The following ROR1 variants were observed in gnomAD, a reference collection of about 807,000 sequenced individuals.
The protein encoded by ROR1 is inactive tyrosine-protein kinase transmembrane receptor ROR1.
ROR1 carries 19 observed loss-of-function variants against 78.8 expected under a neutral mutation model. The ratio of observed to expected loss-of-function variants is 0.24; its 90% CI spans 0.17 to 0.35. The LOEUF (loss-of-function observed/expected upper bound fraction) is 0.35. Ranked by LOEUF, ROR1 falls within the 10% of genes least tolerant of loss-of-function variation. The pLI, the probability that ROR1 is intolerant of heterozygous loss-of-function variation, is 1.00. For missense variants in ROR1, 917 were observed against 1,177.8 expected (o/e 0.78, Z 3.24); for synonymous variants, 386 against 433.6 (o/e 0.89, Z 1.36).
At chr1:63,864,291 C>T (rs1001219659) in intron 1 of ROR1, among the ~76,000 whole-genome samples, 2 of 152,198 alleles carry the variant, frequency 1.3e-5, no homozygotes, top group African/African-American at 4.8e-5. Flanking sequence ...TGCTCACTCT[C>T]AGCCTATTGA....
At position 64,159,121 on chromosome 1, in the gene ROR1, G is replaced by A. The variant is rs186939505; in HGVS notation, c.1315G>A (p.Val439Ile). ...RNNQKSSSAP[V>I]QRQPKHVRGQ... ...TAACCAGAAGTCATCGTCGGCACCA[G>A]TCCAGAGGCAACCAAAACACGTCAG... Residue 439 changes from valine to isoleucine, a missense_variant, in exon 8 of 9, where the codon GTC (valine) becomes ATC (isoleucine). Val to Ile is a conservative substitution (Grantham distance 29, BLOSUM62 3). Around this residue, in one of 3 missense-constraint regions of ROR1, gnomAD observed 835 missense variants for 1,069.8 expected, o/e 0.78. Coordinates refer to ENST00000371079, the MANE Select transcript of ROR1 (RefSeq NM_005012.4). The A allele has an allele frequency of 8.9e-5, 144 of 1,614,140 alleles. No individual in the cohort carries two copies. Among genetic ancestry groups the A allele is most frequent in the Non-Finnish European group, 1.2e-4 (139 of 1,180,016 alleles).
At chr1:64,122,434 A>AT (rs1648574278) in intron 4 of ROR1, among the ~76,000 whole-genome samples, 3 of 152,084 alleles carry the variant, frequency 2.0e-5, no homozygotes, top group African/African-American at 7.2e-5. Flanking sequence ...GTGGTTCCCC[A>AT]TTTTGATGTT....
At chr1:64,131,894 T>G (rs1368576556) in intron 4 of ROR1, among the ~76,000 whole-genome samples, 6 of 152,146 alleles carry the variant, frequency 3.9e-5, no homozygotes, top group Non-Finnish European at 7.3e-5. Context: ...GTGCGGGGAT[T>G]ATAGGCATGA....
chr1:63,820,557 T>G (rs1257577686), intron 1 of ROR1, among the ~76,000 whole-genome samples: 1 of 152,210 alleles, frequency 6.6e-6, no homozygotes, highest in Admixed American at 6.5e-5. Context: ...TCTGCTACCT[T>G]GCAGTCATTT....
chr1:63,882,084 G>A (rs7521739), intron 1 of ROR1, among the ~76,000 whole-genome samples: 5,802 of 152,146 alleles, frequency 0.038, 343 homozygotes, highest in African/African-American at 0.12. Flanking sequence ...CATCACAGGC[G>A]GTTGAAACTT....
At chr1:64,021,293 C>G (rs1646563530) in intron 2 of ROR1, among the ~76,000 whole-genome samples, 1 of 152,170 alleles carries the variant, frequency 6.6e-6, no homozygotes, top group Non-Finnish European at 1.5e-5. Flanking sequence ...CCCAAAGATC[C>G]TTCCTAGGAC....
chr1:64,014,964 T>G (rs887358197), intron 2 of ROR1, among the ~76,000 whole-genome samples: 2 of 150,488 alleles, frequency 1.3e-5, no homozygotes, highest in African/African-American at 4.9e-5. Flanking sequence ...ATGCTACAGA[T>G]AAAGACATAC....
intron 4 of ROR1, among the ~76,000 whole-genome samples, chr1:64,126,806 A>G (rs1648727252): frequency 6.6e-6 from 1 of 152,146 alleles, no homozygotes; most frequent in African/African-American, 2.4e-5. Context: ...TCCTGGCCAT[A>G]TCTAGGAAGT....
intron 1 of ROR1, among the ~76,000 whole-genome samples, chr1:63,802,500 G>T (rs953960028): frequency 1.3e-5 from 2 of 152,188 alleles, no homozygotes; most frequent in African/African-American, 4.8e-5. Context: ...AGAATTTAGA[G>T]GTGGGAAAAT....
intron 1 of ROR1, among the ~76,000 whole-genome samples, chr1:63,924,759 A>C (rs1645685735): frequency 6.6e-6 from 1 of 152,100 alleles, no homozygotes; most frequent in South Asian, 2.1e-4. Flanking sequence ...AGAGAGCAGC[A>C]CAGGAGGGCC....
chr1:64,132,015 A>G (rs1648929222), intron 4 of ROR1, among the ~76,000 whole-genome samples: 2 of 152,188 alleles, frequency 1.3e-5, no homozygotes, highest in Admixed American at 1.3e-4. Flanking sequence ...AAACATTTTC[A>G]TCATCCCAAA....
intron 1 of ROR1, among the ~76,000 whole-genome samples, chr1:63,871,135 A>G (rs1266382986): frequency 2.0e-5 from 3 of 152,204 alleles, no homozygotes; most frequent in Non-Finnish European, 2.9e-5. Context: ...CCTGCTTCAC[A>G]TTATAATTTT....
intron 1 of ROR1, among the ~76,000 whole-genome samples, chr1:63,920,734 T>A (rs1483380861): frequency 6.6e-6 from 1 of 152,232 alleles, no homozygotes; most frequent in African/African-American, 2.4e-5. Flanking sequence ...GAATAATTTT[T>A]TTATGCATTA....
At chr1:64,135,200 AAGAAATGTGC>A in intron 4 of ROR1, among the ~76,000 whole-genome samples, 1 of 152,306 alleles carries the variant, frequency 6.6e-6, no homozygotes, top group Non-Finnish European at 1.5e-5. Flanking sequence ...AGCCTTTGAT[AAGAAATGTGC>A]AGCCAAGGAA....
chr1:63,936,795 G>A (rs1645797679), intron 1 of ROR1, among the ~76,000 whole-genome samples: 1 of 152,156 alleles, frequency 6.6e-6, no homozygotes, highest in Non-Finnish European at 1.5e-5. Context: ...GAAGTTCTAT[G>A]TATAAGAGTC....
At chr1:63,804,912 T>G (rs1184918044) in intron 1 of ROR1, among the ~76,000 whole-genome samples, 2 of 152,190 alleles carry the variant, frequency 1.3e-5, no homozygotes, top group Non-Finnish European at 2.9e-5. Flanking sequence ...GACCCCACCT[T>G]GGGAATGCTA....
intron 1 of ROR1, among the ~76,000 whole-genome samples, chr1:64,000,681 C>T (rs928561229): frequency 2.0e-5 from 3 of 152,122 alleles, no homozygotes; most frequent in African/African-American, 7.2e-5. Context: ...GGAGTGAGAC[C>T]ATTACTGAGT....
At chr1:63,922,469 A>G (rs968676074) in intron 1 of ROR1, among the ~76,000 whole-genome samples, 10 of 152,236 alleles carry the variant, frequency 6.6e-5, no homozygotes, top group African/African-American at 2.4e-4. Flanking sequence ...TGTGCAGGTT[A>G]TTCCAGAGGT....
At chr1:64,105,581 G>T (rs1026580619) in intron 4 of ROR1, 1 of 152,058 alleles carries the variant, frequency 6.6e-6, no homozygotes, top group Non-Finnish European at 1.5e-5. Context: ...GGGTTTTTAT[G>T]GTTTGGGGCT....
Sources: allele counts gnomAD v4.1 joint callset (sites outside exome capture counted in the v4.1 genomes callset), GRCh38; gene constraint gnomAD v4.1.1; regional missense constraint gnomAD v4.1.1; transcripts MANE v1.5; gene names NCBI Gene and HGNC (gene_info 2026-07-23, HGNC 2026-07-21).